The following ITGB2 variants were observed in gnomAD, a reference collection of about 807,000 sequenced individuals.
ITGB2 encodes the protein integrin beta-2.
Under a neutral mutation model 86.8 loss-of-function variants are expected in ITGB2, and 56 were observed. That is an observed-to-expected ratio of 0.65 (90% confidence interval 0.52 to 0.81). The LOEUF is 0.81. Ranked by LOEUF, ITGB2 falls within the 30% of genes least tolerant of loss-of-function variation. ITGB2 has a pLI of 0.00. For synonymous variants in ITGB2, 457 were observed against 450.4 expected (o/e 1.01, Z -0.19); for missense variants, 948 against 1,061.2 (o/e 0.89, Z 1.48).
intron 3 of ITGB2, 47 bp from the exon 4 acceptor site, chr21:44,907,142 C>G (rs1568898790): frequency 1.4e-6 from 2 of 1,429,416 alleles, no homozygotes; most frequent in Admixed American, 1.8e-5. Context: ...ACTGCGGGAC[C>G]TGCAGGAGGC....
At chr21:44,893,326 A>C in intron 10 of ITGB2, 78 bp downstream of exon 10, 3 of 1,569,488 alleles carry the variant, frequency 1.9e-6, no homozygotes, top group Non-Finnish European at 2.6e-6. Context: ...GTGTGCTGGG[A>C]TGGGGACCCT....
intron 1 of ITGB2, chr21:44,928,209 C>T (rs1162347062): frequency 4.6e-5 from 7 of 152,220 alleles, no homozygotes; most frequent in Non-Finnish European, 8.8e-5. Flanking sequence ...ACCTGTCACC[C>T]CCTGTCCAGG....
At chr21:44,899,934 G>A (rs962916603) in intron 7 of ITGB2, among the ~76,000 whole-genome samples, 1 of 152,228 alleles carries the variant, frequency 6.6e-6, no homozygotes, top group Non-Finnish European at 1.5e-5. Flanking sequence ...GAGGCCGGGA[G>A]GGGGAGGAGG....
chr21:44,905,796 A>G (rs1021512850), intron 4 of ITGB2, among the ~76,000 whole-genome samples: 4 of 151,788 alleles, frequency 2.6e-5, no homozygotes. Context: ...CCCATCCCTC[A>G]CTGTCTCCCA....
At chr21:44,896,044 C>A (rs111524772) in intron 8 of ITGB2, among the ~76,000 whole-genome samples, 9 of 151,102 alleles carry the variant, frequency 6.0e-5, no homozygotes, top group African/African-American at 1.7e-4. Context: ...GGTGTGAGTG[C>A]TCCCGCCTGC....
At chr21:44,917,821 G>A (rs2084233656) in intron 1 of ITGB2, among the ~76,000 whole-genome samples, 1 of 152,204 alleles carries the variant, frequency 6.6e-6, no homozygotes, top group African/African-American at 2.4e-5. Flanking sequence ...AATCAGCTGG[G>A]CAGGAAGGTG....
rs112931116 is a variant in ITGB2 at position 44,907,021 on chromosome 21, C to T, written c.222G>A (p.Ala74=). 314 of 1,614,068 alleles carry T rather than the reference C, an allele frequency of 1.9e-4. No individual in the cohort carries two copies. In the African/African-American group the frequency reaches 2.8e-3, roughly 14 times the overall value. The change falls in exon 4 of 16, where the codon GCG becomes GCA. Residue 74 remains alanine, a synonymous_variant. Coordinates refer to ENST00000652462, the MANE Select transcript of ITGB2 (RefSeq NM_000211.5). ...TTGTGGGGTCCATGATGTCGTCAGC[C>T]GCACAGCCCCTCATGAGCAGCTGTG... is the stretch of plus-strand genomic sequence containing the variant. ...TRPQLLMRGC[A]ADDIMDPTSL... is the part of the protein sequence containing the mutation.
chr21:44,895,121 ACT>A, intron 8 of ITGB2, 61 bp from the exon 9 acceptor site: 2 of 1,231,322 alleles, frequency 1.6e-6, no homozygotes, highest in South Asian at 2.4e-5. Flanking sequence ...ATCTCCACGC[ACT>A]GGGCTCACCC....
chr21:44,888,645 G>A (rs759270531), intron 14 of ITGB2, 48 bp downstream of exon 14: 133 of 1,588,506 alleles, frequency 8.4e-5, no homozygotes, highest in East Asian at 2.2e-4. Flanking sequence ...CGGAGACCCC[G>A]CAGCCGGAGC....
intron 8 of ITGB2, among the ~76,000 whole-genome samples, chr21:44,898,175 T>C (rs559954857): frequency 6.6e-6 from 1 of 152,072 alleles, no homozygotes; most frequent in Non-Finnish European, 1.5e-5. Context: ...AGCCATGGGG[T>C]GTCAGCCGCG....
chr21:44,923,926 G>A (rs954011809), upstream of ITGB2, among the ~76,000 whole-genome samples: 7 of 152,102 alleles, frequency 4.6e-5, no homozygotes, highest in African/African-American at 1.4e-4. Context: ...CGAAGATATC[G>A]TGTAACATCA....
intron 8 of ITGB2, among the ~76,000 whole-genome samples, chr21:44,897,504 C>T (rs956725822): frequency 6.6e-6 from 1 of 152,202 alleles, no homozygotes; most frequent in African/African-American, 2.4e-5. Flanking sequence ...TAATCGGGCC[C>T]TTTAGGGCGG....
chr21:44,917,817 C>T (rs1360939055), intron 1 of ITGB2, among the ~76,000 whole-genome samples: 1 of 152,224 alleles, frequency 6.6e-6, no homozygotes, highest in East Asian at 1.9e-4. Flanking sequence ...TACAAATCAG[C>T]TGGGCAGGAA....
rs766945135 is a variant in ITGB2 at position 44,901,707 on chromosome 21, C to T, written c.526G>A (p.Val176Met). The T allele has an allele frequency of 1.2e-5, 19 of 1,612,044 alleles. No homozygotes were observed. Among genetic ancestry groups the T allele is most frequent in the African/African-American group, 2.7e-5 (2 of 74,884 alleles). Residue 176 changes from valine (V) to methionine (M), a missense_variant, in exon 6 of 16, where the codon GTG becomes ATG. Transcript: ENST00000652462. ...IGFGSFVDKTVLPFVNTHPDK... is the reference protein window; with the variant it reads ...IGFGSFVDKTMLPFVNTHPDK... Reference sequence around the variant, plus strand: ...GGGTGCGTGTTCACGAACGGCAGCACGGTCTTGTCCACGAAGGACCCGAAG... The same window carrying T: ...GGGTGCGTGTTCACGAACGGCAGCATGGTCTTGTCCACGAAGGACCCGAAG...
intron 3 of ITGB2, among the ~76,000 whole-genome samples, chr21:44,909,135 C>T (rs1479702062): frequency 2.0e-5 from 3 of 152,190 alleles, no homozygotes; most frequent in African/African-American, 7.2e-5. Context: ...CCTGCGGGTG[C>T]GATTTGATGA....
intron 7 of ITGB2, among the ~76,000 whole-genome samples, chr21:44,900,008 G>GA: frequency 6.6e-6 from 1 of 152,140 alleles, no homozygotes; most frequent in Admixed American, 6.5e-5. Flanking sequence ...GTAGCCTGGG[G>GA]GCGGTTACTA....
rs376241954 is a variant in ITGB2 at position 44,916,156 on chromosome 21, C to T, written c.-4+4665G>A. Among the ~76,000 whole-genome samples the T allele has an allele frequency of 2.0e-4, 30 of 152,144 alleles. No homozygotes were observed. In the East Asian group the frequency reaches 2.3e-3, roughly 12 times the overall value. ...CAGGCTGGTCTCGAACTCCTGACCT[C>T]GTGATCCGCCTGCCTCGGCCTCCCA... On this transcript the variant is annotated intron_variant, in intron 1 of 15. Coordinates refer to ENST00000652462, the MANE Select transcript of ITGB2 (RefSeq NM_000211.5).
At chr21:44,898,951 G>T (rs2083907624) in intron 8 of ITGB2, 116 bp downstream of exon 8, 3 of 855,226 alleles carry the variant, frequency 3.5e-6, no homozygotes, top group Admixed American at 4.0e-5. Context: ...GGGCCGGCTG[G>T]TTGCTCACGT....
rs560257158 is a variant in ITGB2, at chr21:44,886,667, C to T, written c.2247+69G>A. The T allele has an allele frequency of 3.1e-6, 5 of 1,604,344 alleles. No homozygotes were observed. In the African/African-American group the frequency reaches 6.7e-5, roughly 21 times the overall value. ...ACACACGGGTGTCCACGGCCTCCCG[C>T]AGCAGGAGGTCGCATAGTGTGGGAC... On this transcript the variant is annotated intron_variant, in intron 15 of 15. Transcript: ENST00000652462.
Sources: gnomAD v4.1 joint callset for allele counts (sites outside exome capture counted in the v4.1 genomes callset) on GRCh38, gnomAD v4.1.1 for gene constraint, MANE v1.5 for transcripts, NCBI Gene and HGNC (gene_info 2026-07-23, HGNC 2026-07-21) for gene names.